The following LRRC23 variants were observed in gnomAD, a reference collection of about 807,000 sequenced individuals.
The protein encoded by LRRC23 is leucine rich repeat containing 23, also known as leucine-rich repeat-containing protein 23.
LRRC23 carries 28 observed loss-of-function variants against 37.7 expected under a neutral mutation model. The observed-to-expected ratio is 0.74, with a 90% CI of 0.55 to 1.02. The LOEUF is 1.02. Ranked by LOEUF, LRRC23 falls within the 50% of genes least tolerant of loss-of-function variation. LRRC23 has a pLI of 0.00. For missense variants in LRRC23, 377 were observed against 413.2 expected (o/e 0.91, Z 0.76); for synonymous variants, 161 against 165.4 (o/e 0.97, Z 0.20).
rs373711792 is a variant in LRRC23 at position 6,909,134 on chromosome 12, AT to A, written c.622-754del. ...AATTACATATAATATATAATATATA[AT>A]TATATATTATATATTATATATTATA... On this transcript the variant is annotated intron_variant, in intron 5 of 7. Coordinates refer to ENST00000443597, the MANE Select transcript of LRRC23 (RefSeq NM_001135217.2). Among the ~76,000 whole-genome samples, 51 of 13,626 alleles carry A rather than the reference AT, an allele frequency of 3.7e-3. 4 individuals are homozygous for A. The highest frequency in any genetic ancestry group is 0.015 in the African/African-American group (8 of 528). 8.9% of individuals were successfully genotyped at this position (13,626 alleles called of 152,430 possible). A position where few individuals can be genotyped will look rare whatever the true frequency, so the allele number is the denominator to read the frequency against.
Position 6,909,591 on chromosome 12 carries a change from A to G in LRRC23, c.622-299A>G, listed in dbSNP as rs192910075. On this transcript the variant is annotated intron_variant, in intron 5 of 7. Coordinates refer to ENST00000443597, the MANE Select transcript of LRRC23 (RefSeq NM_001135217.2). ...TTATTCTGGGATGGTGCTGATGCCA[A>G]TCCTCAGTGGTGGCCTGGGGGCTCC... Among the ~76,000 whole-genome samples the G allele has an allele frequency of 3.1e-4, 45 of 144,358 alleles. No homozygotes were observed. The East Asian group carries it at 8.6e-3, about 27-fold the overall frequency. 94.7% of individuals were successfully genotyped at this position (144,358 alleles called of 152,430 possible). A position where few individuals can be genotyped will look rare whatever the true frequency, so the allele number is the denominator to read the frequency against.
intron 6 of LRRC23, 72 bp from the exon 7 acceptor site, chr12:6,912,658 A>C: frequency 7.4e-7 from 1 of 1,353,168 alleles, no homozygotes; most frequent in Non-Finnish European, 1.0e-6. Context: ...AGTCCCCCAG[A>C]GGCCCCATTC....
At position 6,907,222 on chromosome 12, in the gene LRRC23, G is replaced by A. The variant is rs782680736; in HGVS notation, c.491-93G>A. Reference sequence around the variant, plus strand: ...TTCCTCAGTATCTACCCTGCTTTGCGAATGGTAGGATGATTTAGAGGCTCC... The same window carrying A: ...TTCCTCAGTATCTACCCTGCTTTGCAAATGGTAGGATGATTTAGAGGCTCC... On this transcript the variant is annotated intron_variant, in intron 4 of 7. Coordinates refer to ENST00000443597, the MANE Select transcript of LRRC23 (RefSeq NM_001135217.2). 3.4e-4 allele frequency: 506 copies of A among 1,483,808 alleles called. 1 individual carries two copies. Among genetic ancestry groups the A allele is most frequent in the Non-Finnish European group, 4.3e-4 (464 of 1,073,818 alleles). The allele number at this position is 1,483,808 out of a possible 1,614,324, so 91.9% of individuals were successfully genotyped here.
Position 6,912,953 on chromosome 12 carries a change from C to T in LRRC23, c.982C>T (p.Gln328Ter). The change falls in exon 7 of 8, where the codon CAG becomes TAG. Residue 328 changes from glutamine to a stop codon, truncating the protein, a stop_gained. Coordinates refer to ENST00000443597, the MANE Select transcript of LRRC23 (RefSeq NM_001135217.2). LOFTEE classifies it high-confidence loss of function. Reference sequence around the variant, plus strand: ...ACAGAGGCTGAAGGAAGAAAAGGAGCAGGAGCCTGAGCCCCAGCGTGACCT... The same window carrying T: ...ACAGAGGCTGAAGGAAGAAAAGGAGTAGGAGCCTGAGCCCCAGCGTGACCT... Reference protein sequence around the residue: ...IRQRLKEEKEQEPEPQRDLEP... With the variant: ...IRQRLKEEKE The T allele has an allele frequency of 6.2e-7, 1 of 1,614,108 alleles. No homozygotes were observed. The highest frequency in any genetic ancestry group is 1.3e-5 in the African/African-American group (1 of 74,994).
intron 6 of LRRC23, among the ~76,000 whole-genome samples, chr12:6,910,966 C>G (rs1002015866): frequency 6.6e-6 from 1 of 152,096 alleles, no homozygotes; most frequent in Non-Finnish European, 1.5e-5. Flanking sequence ...GGCTCACAGT[C>G]TGGCTCCAAC....
chr12:6,906,501 A>G lies in LRRC23; in HGVS notation c.329A>G (p.Asn110Ser). The G allele has an allele frequency of 6.2e-7, 1 of 1,614,140 alleles. No individual in the cohort carries two copies. The highest frequency in any genetic ancestry group is 1.3e-5 in the African/African-American group (1 of 75,024). Residue 110 changes from asparagine to serine, a missense_variant, in exon 4 of 8, where the codon AAC becomes AGC. This residue lies in a region of LRRC23 where 266 missense variants were observed against 285.6 expected (regional missense o/e 0.93). Coordinates refer to ENST00000443597, the MANE Select transcript of LRRC23 (RefSeq NM_001135217.2). ...ENHLTDLSPL[N>S]YLTHLLWLKA... ...CACCTGACAGACCTGTCTCCACTCAACTACCTCACCCACCTGCTCTGGCTC... is the reference window on the plus strand; with the variant it reads ...CACCTGACAGACCTGTCTCCACTCAGCTACCTCACCCACCTGCTCTGGCTC...
At position 6,910,021 on chromosome 12, in the gene LRRC23, C is replaced by T. The variant is rs1273607358; in HGVS notation, c.753C>T (p.Asn251=). 2 of 1,610,024 alleles carry T rather than the reference C, an allele frequency of 1.2e-6. No homozygotes were observed. Among genetic ancestry groups the T allele is most frequent in the Admixed American group, 3.3e-5 (2 of 59,744 alleles). The change falls in exon 6 of 8, where the codon AAC becomes AAT. Residue 251 remains asparagine (N), a synonymous_variant. Transcript: ENST00000443597. ...SREMKSLQYL[N]LRGNMVANLG... ...AAATGAAATCATTGCAGTACCTCAA[C>T]CTGAGGTATGCACCCTCTCCAAGCC... is the stretch of plus-strand genomic sequence containing the variant.
At chr12:6,908,460 G>T (rs1197510061) in intron 5 of LRRC23, among the ~76,000 whole-genome samples, 2 of 151,838 alleles carry the variant, frequency 1.3e-5, no homozygotes, top group Non-Finnish European at 2.9e-5. Context: ...AGCCCAGTGT[G>T]CTGACATGCG....
intron 6 of LRRC23, among the ~76,000 whole-genome samples, chr12:6,912,368 G>T (rs1653591866): frequency 6.6e-6 from 1 of 152,012 alleles, no homozygotes; most frequent in African/African-American, 2.4e-5. Context: ...CCCAGGCTGG[G>T]TCCTACCTTC....
Position 6,906,650 on chromosome 12 carries a change from C to T in LRRC23, c.478C>T (p.Leu160=). Residue 160 remains leucine (L), a synonymous_variant, in exon 4 of 8, where the codon CTG becomes TTG. Transcript: ENST00000443597. ...CATCTCTCATCCTCGTCTTGAAACC[C>T]TGAATCTCAAAGGTGGGTCTTTAGG... ...EGISHPRLET[L]NLKGNSIHMV... is the part of the protein sequence containing the mutation. The T allele has an allele frequency of 6.2e-7, 1 of 1,614,070 alleles. No homozygotes were observed. The highest frequency in any genetic ancestry group is 8.5e-7 in the Non-Finnish European group (1 of 1,179,966).
At chr12:6,910,258 G>T (rs1945127200) in intron 6 of LRRC23, among the ~76,000 whole-genome samples, 2 of 152,252 alleles carry the variant, frequency 1.3e-5, no homozygotes, top group South Asian at 2.1e-4. Context: ...TGTGCTATGT[G>T]CCAGGCCTTG....
At position 6,913,042 on chromosome 12, in the gene LRRC23, A is replaced by T. The variant is rs782318785; in HGVS notation, c.*24+15A>T. 4 of 1,606,272 alleles carry T rather than the reference A, an allele frequency of 2.5e-6. No individual in the cohort carries two copies. The Admixed American group carries it at 6.7e-5, about 27-fold the overall frequency. On this transcript the variant is annotated intron_variant, in intron 7 of 7. Transcript: ENST00000443597. ...CTCTAAAGATAGTAAGGAAGCCTGC[A>T]GGGAGGCAGTGGGAGGAGGCCAAGG...
At chr12:6,913,205 G>A (rs1945211892) in intron 7 of LRRC23, 178 bp downstream of exon 7, 2 of 627,120 alleles carry the variant, frequency 3.2e-6, no homozygotes, top group Admixed American at 3.0e-5. Context: ...AGGGGCCTGG[G>A]ACCAGCTGAG....
Position 6,906,436 on chromosome 12 carries a change from C to T in LRRC23, c.264C>T (p.Arg88=), listed in dbSNP as rs781899198. ...ACCTGACAGACATCTACTTGCTGCG[C>T]TCCTACATCCATCTGCGCTATGTGG... The part of the protein sequence containing the change: ...ERDLTDIYLL[R]SYIHLRYVDI... Residue 88 remains arginine (R), a synonymous_variant, in exon 4 of 8, where the codon CGC becomes CGT. Transcript: ENST00000443597. The T allele has an allele frequency of 6.2e-7, 1 of 1,614,104 alleles. No homozygotes were observed. Among genetic ancestry groups the T allele is most frequent in the Admixed American group, 1.7e-5 (1 of 60,014 alleles).
chr12:6,911,711 T>G (rs1945164960), intron 6 of LRRC23, among the ~76,000 whole-genome samples: 1 of 152,032 alleles, frequency 6.6e-6, no homozygotes, highest in Admixed American at 6.6e-5. Context: ...AGCCAGAACA[T>G]GAAAATAAAT....
intron 5 of LRRC23, among the ~76,000 whole-genome samples, chr12:6,908,417 C>T (rs1302116233): frequency 1.3e-5 from 2 of 151,404 alleles, no homozygotes; most frequent in African/African-American, 2.4e-5. Context: ...GCCAACATGG[C>T]GAAACTCTGT....
intron 1 of LRRC23, 81 bp from the exon 2 acceptor site, chr12:6,905,504 T>G: frequency 2.4e-6 from 2 of 828,950 alleles, no homozygotes; most frequent in Non-Finnish European, 2.0e-6. Context: ...TCAGAAGTCA[T>G]GGGGGTGATG....
intron 6 of LRRC23, 105 bp downstream of exon 6, chr12:6,910,131 G>A: frequency 9.0e-7 from 1 of 1,107,108 alleles, no homozygotes; most frequent in South Asian, 1.7e-5. Context: ...GCCCACAGCT[G>A]GATTCTCAAG....
At chr12:6,912,382 C>T (rs1416018215) in intron 6 of LRRC23, among the ~76,000 whole-genome samples, 2 of 152,048 alleles carry the variant, frequency 1.3e-5, no homozygotes, top group Non-Finnish European at 2.9e-5. Context: ...TACCTTCTAC[C>T]CTCCATTTAG....
Sources: gnomAD v4.1 joint callset for allele counts (sites outside exome capture counted in the v4.1 genomes callset) on GRCh38, gnomAD v4.1.1 for gene constraint, gnomAD v4.1.1 regional missense constraint, MANE v1.5 for transcripts, NCBI Gene and HGNC (gene_info 2026-07-23, HGNC 2026-07-21) for gene names.